The following POR variants were observed in gnomAD, a reference collection of about 807,000 sequenced individuals.
POR encodes the protein cytochrome p450 oxidoreductase, also known as NADPH--cytochrome P450 reductase.
A neutral mutation model predicts 84.0 loss-of-function variants in POR; 56 were observed. The ratio of observed to expected loss-of-function variants is 0.67; its 90% CI spans 0.54 to 0.83. The LOEUF (loss-of-function observed/expected upper bound fraction) is 0.83, where lower values mean the gene tolerates loss of function less well. Ranked by LOEUF, POR falls within the 40% of genes least tolerant of loss-of-function variation. POR has a pLI of 0.00. For missense variants in POR, 938 were observed against 944.3 expected, an observed-to-expected ratio of 0.99 and a Z score of 0.09; for synonymous variants, 414 against 400.5, an observed-to-expected ratio of 1.03 and a Z score of -0.40.
intron 2 of POR, among the ~76,000 whole-genome samples, chr7:75,956,096 C>A (rs41295393): frequency 1.3e-5 from 2 of 152,016 alleles, no homozygotes; most frequent in Non-Finnish European, 2.9e-5. Flanking sequence ...GTCAGGAGTT[C>A]GAGACCAGCC....
At chr7:75,931,939 G>A (rs1282728562) in intron 1 of POR, among the ~76,000 whole-genome samples, 3 of 152,174 alleles carry the variant, frequency 2.0e-5, no homozygotes, top group Non-Finnish European at 4.4e-5. Context: ...CCTCCCTTAA[G>A]TGCTTATTAA....
chr7:75,965,830 C>T (rs961948413), intron 2 of POR, among the ~76,000 whole-genome samples: 53 of 152,094 alleles, frequency 3.5e-4, no homozygotes, highest in Admixed American at 2.6e-3. Flanking sequence ...AATGAGGGAG[C>T]GGCAGCCCAC....
chr7:75,930,222 A>G (rs1208026677), intron 1 of POR, among the ~76,000 whole-genome samples: 2 of 152,230 alleles, frequency 1.3e-5, no homozygotes, highest in African/African-American at 2.4e-5. Flanking sequence ...GTGAGCCTGT[A>G]GTAAACACAG....
chr7:75,985,409 C>T, intron 12 of POR, 170 bp from the exon 13 acceptor site: 1 of 1,118,480 alleles, frequency 8.9e-7, no homozygotes, highest in Non-Finnish European at 1.2e-6. Context: ...CAGCCCCGGT[C>T]CCCAGAACCA....
At chr7:75,968,092 C>A (rs782514571) in intron 2 of POR, 1 of 455,418 alleles carries the variant, frequency 2.2e-6, no homozygotes, top group Non-Finnish European at 4.4e-6. Flanking sequence ...ATGGGGTGCA[C>A]GTACTCGTCT....
chr7:75,972,210 G>A (rs1307895866), intron 2 of POR, among the ~76,000 whole-genome samples: 2 of 152,146 alleles, frequency 1.3e-5, no homozygotes, highest in Admixed American at 1.3e-4. Context: ...AGCTGGTGCG[G>A]GAGGCCTGGG....
chr7:75,918,039 G>T (rs1806659078), intron 1 of POR, among the ~76,000 whole-genome samples: 1 of 152,154 alleles, frequency 6.6e-6, no homozygotes, highest in South Asian at 2.1e-4. Flanking sequence ...GGGCATGGTG[G>T]CTCACGCCTG....
intron 2 of POR, among the ~76,000 whole-genome samples, chr7:75,960,397 G>C (rs567685371): frequency 3.1e-4 from 47 of 152,258 alleles, no homozygotes; most frequent in South Asian, 1.0e-3. Context: ...CACTGGGGCA[G>C]CTCATGCCCT....
chr7:75,967,673 G>T (rs1788246367), intron 2 of POR, among the ~76,000 whole-genome samples: 1 of 151,868 alleles, frequency 6.6e-6, no homozygotes, highest in South Asian at 2.1e-4. Context: ...AACGGGGAGG[G>T]CGTGGGGAGA....
intron 1 of POR, among the ~76,000 whole-genome samples, chr7:75,930,285 T>C (rs1478027484): frequency 2.6e-5 from 4 of 152,074 alleles, no homozygotes; most frequent in Non-Finnish European, 5.9e-5. Context: ...GAGTGCTTTT[T>C]CTTAAGAACC....
chr7:75,951,552 A>G (rs768338253), intron 1 of POR, among the ~76,000 whole-genome samples: 2 of 152,178 alleles, frequency 1.3e-5, no homozygotes, highest in African/African-American at 2.4e-5. Context: ...ACCGATGCCC[A>G]CAACCCTCGG....
At chr7:75,980,258 T>C (rs1554557484) in intron 4 of POR, 81 bp from the exon 5 acceptor site, 2 of 1,516,340 alleles carry the variant, frequency 1.3e-6, no homozygotes, top group South Asian at 1.2e-5. Context: ...GGGCAGGACC[T>C]GGCCTTCCCC....
intron 2 of POR, among the ~76,000 whole-genome samples, chr7:75,958,408 A>G (rs980580118): frequency 2.0e-5 from 3 of 151,868 alleles, no homozygotes; most frequent in Admixed American, 1.3e-4. Flanking sequence ...GTGAGCCACC[A>G]TGCCTGGAGT....
chr7:75,950,159 C>T (rs974826914), intron 1 of POR, among the ~76,000 whole-genome samples: 11 of 152,208 alleles, frequency 7.2e-5, no homozygotes, highest in South Asian at 4.2e-4. Context: ...CATGGGCCAC[C>T]GTGCCCGGAC....
At chr7:75,979,810 C>A in intron 4 of POR, 3 of 551,348 alleles carry the variant, frequency 5.4e-6, no homozygotes, top group Non-Finnish European at 9.2e-6. Flanking sequence ...CCAGGACTGG[C>A]CCTCCCCTGA....
intron 1 of POR, among the ~76,000 whole-genome samples, chr7:75,924,090 C>T (rs1807002447): frequency 6.6e-6 from 1 of 152,060 alleles, no homozygotes; most frequent in East Asian, 1.9e-4. Context: ...GTAACTCTAG[C>T]ATTTGTACAA....
intron 1 of POR, among the ~76,000 whole-genome samples, chr7:75,932,751 G>T (rs2116284503): frequency 6.6e-6 from 1 of 152,226 alleles, no homozygotes; most frequent in Non-Finnish European, 1.5e-5. Context: ...CGGGCACGGT[G>T]GCTCACACCT....
intron 1 of POR, among the ~76,000 whole-genome samples, chr7:75,943,034 C>G (rs1787008811): frequency 6.6e-6 from 1 of 151,732 alleles, no homozygotes; most frequent in Non-Finnish European, 1.5e-5. Flanking sequence ...TCATTACAAC[C>G]TCCACCTCCC....
intron 12 of POR, 105 bp downstream of exon 12, chr7:75,985,312 C>T: frequency 7.2e-7 from 1 of 1,387,520 alleles, no homozygotes; most frequent in Non-Finnish European, 9.5e-7. Context: ...GAGCCCTGAG[C>T]TCCAGTTCCA....
Sources: gnomAD v4.1 joint callset for allele counts (sites outside exome capture counted in the v4.1 genomes callset) on GRCh38, gnomAD v4.1.1 for gene constraint, MANE v1.5 for transcripts, NCBI Gene and HGNC (gene_info 2026-07-23, HGNC 2026-07-21) for gene names.